The following NALCN variants were observed in gnomAD, a reference collection of about 807,000 sequenced individuals.
NALCN encodes sodium leak channel NALCN.
Under a neutral mutation model 225.3 loss-of-function variants are expected in NALCN, and 111 were observed. The observed-to-expected ratio is 0.49, with a 90% CI of 0.42 to 0.58. The LOEUF (loss-of-function observed/expected upper bound fraction) is 0.58. NALCN is among the 20% of genes least tolerant of loss of function. NALCN has a pLI of 0.00. For missense variants in NALCN, 1,378 were observed against 2,202.4 expected, an observed-to-expected ratio of 0.63 and a Z score of 7.49; for synonymous variants, 764 against 769.0, an observed-to-expected ratio of 0.99 and a Z score of 0.11.
In NALCN at chr13:101,259,415, G is replaced by T. The variant is rs566318182; in HGVS notation, c.1135-841C>A. ...GTGGCGTGATCTTGGCTCACTGCAA[G>T]CTCTGCTTCCTGGATTCACGTCATT... is the stretch of plus-strand genomic sequence containing the variant. On this transcript the variant is annotated intron_variant, in intron 10 of 43. Transcript: ENST00000251127. Among the ~76,000 whole-genome samples the T allele has an allele frequency of 2.0e-5, 3 of 152,062 alleles. No homozygotes were observed. In the South Asian group the frequency reaches 6.2e-4, roughly 32 times the overall value.
At chr13:101,168,821 C>A (rs2038576826) in intron 15 of NALCN, among the ~76,000 whole-genome samples, 1 of 152,184 alleles carries the variant, frequency 6.6e-6, no homozygotes, top group Non-Finnish European at 1.5e-5. Context: ...AATTTTCTCT[C>A]TTGCTCTACA....
chr13:101,133,409 C>A lies in NALCN; in HGVS notation c.2119-8728G>T, dbSNP rs79484390. Among the ~76,000 whole-genome samples, 1,270 of 152,208 alleles carry A rather than the reference C, an allele frequency of 8.3e-3. 18 individuals are homozygous for A. Among genetic ancestry groups the A allele is most frequent in the African/African-American group, 0.029 (1,223 of 41,526 alleles). Reference sequence around the variant, plus strand: ...GGAAAGTGGTTATAAAAACATATGACCATAAGACACAAAACCACGGTCCAA... The same window carrying A: ...GGAAAGTGGTTATAAAAACATATGAACATAAGACACAAAACCACGGTCCAA... On this transcript the variant is annotated intron_variant, in intron 17 of 43. Coordinates refer to ENST00000251127, the MANE Select transcript of NALCN (RefSeq NM_052867.4).
At chr13:101,096,563 G>A (rs953291795) in intron 27 of NALCN, among the ~76,000 whole-genome samples, 13 of 152,154 alleles carry the variant, frequency 8.5e-5, no homozygotes, top group Admixed American at 7.9e-4. Flanking sequence ...TAGGTCTTGA[G>A]GTGGAGGCTA....
chr13:101,240,357 A>C (rs534961008), intron 11 of NALCN, among the ~76,000 whole-genome samples: 23 of 146,386 alleles, frequency 1.6e-4, no homozygotes, highest in African/African-American at 3.6e-4. Flanking sequence ...CTCTCTCTCT[A>C]TCTATCTATG....
At chr13:101,381,708 T>C (rs768253688) in intron 3 of NALCN, among the ~76,000 whole-genome samples, 4 of 152,140 alleles carry the variant, frequency 2.6e-5, no homozygotes, top group Non-Finnish European at 4.4e-5. Flanking sequence ...AACGCTTCTG[T>C]CTTTAAGCAA....
At chr13:101,250,874 G>C (rs749807324) in intron 11 of NALCN, among the ~76,000 whole-genome samples, 4 of 151,758 alleles carry the variant, frequency 2.6e-5, no homozygotes. Context: ...CAAAATTATA[G>C]AAGAGGAAAT....
intron 6 of NALCN, among the ~76,000 whole-genome samples, chr13:101,371,427 T>A (rs926068044): frequency 6.6e-6 from 1 of 152,148 alleles, no homozygotes; most frequent in Non-Finnish European, 1.5e-5. Context: ...CAAGTGATCA[T>A]CCCACCTCAG....
chr13:101,124,681 G>C lies in NALCN; in HGVS notation c.2119C>G (p.Leu707Val). 1.9e-6 allele frequency: 3 copies of C among 1,613,634 alleles called. No individual in the cohort carries two copies. The highest frequency in any genetic ancestry group is 2.5e-6 in the Non-Finnish European group (3 of 1,179,802). ...IEDNKYIDQKLRKSVFSIRAR... is the reference protein window; with the variant it reads ...IEDNKYIDQKVRKSVFSIRAR... ...CTGATGCTGAAAACAGACTTGCGAA[G>C]CTGAAAATGATAAGAGTATGACTTT... Residue 707 changes from leucine to valine, a missense_variant and splice_region_variant, in exon 18 of 44, where the codon CTT becomes GTT. Physicochemically the swap from Leu to Val is conservative, Grantham distance 32. Coordinates refer to ENST00000251127, the MANE Select transcript of NALCN (RefSeq NM_052867.4).
intron 13 of NALCN, among the ~76,000 whole-genome samples, chr13:101,208,533 T>C (rs907838112): frequency 4.3e-4 from 65 of 152,236 alleles, no homozygotes; most frequent in African/African-American, 1.5e-3. Flanking sequence ...ATTGTGACAC[T>C]TTGTTACATG....
intron 27 of NALCN, 65 bp from the exon 28 acceptor site, chr13:101,095,745 G>T: frequency 3.1e-6 from 4 of 1,308,030 alleles, no homozygotes; most frequent in Non-Finnish European, 4.3e-6. Flanking sequence ...AAAGATAAAG[G>T]ATAGGAAACT....
chr13:101,402,838 C>T, intron 1 of NALCN, among the ~76,000 whole-genome samples: 1 of 152,196 alleles, frequency 6.6e-6, no homozygotes, highest in East Asian at 1.9e-4. Flanking sequence ...CCTCTCATGT[C>T]CCAGACCCTA....
intron 3 of NALCN, among the ~76,000 whole-genome samples, chr13:101,385,638 G>A (rs915500489): frequency 6.6e-5 from 10 of 152,180 alleles, no homozygotes; most frequent in African/African-American, 2.4e-4. Flanking sequence ...GTGTATCTCT[G>A]TTGTTCACCT....
chr13:101,093,326 T>C (rs935993743), intron 28 of NALCN, among the ~76,000 whole-genome samples: 2 of 152,220 alleles, frequency 1.3e-5, no homozygotes, highest in African/African-American at 4.8e-5. Flanking sequence ...TTCCTAGATA[T>C]GTTATTTTCT....
intron 13 of NALCN, among the ~76,000 whole-genome samples, chr13:101,196,153 T>C (rs577841042): frequency 6.6e-6 from 1 of 152,314 alleles, no homozygotes; most frequent in African/African-American, 2.4e-5. Flanking sequence ...CTCACGTTAT[T>C]TGAGCCATTT....
At chr13:101,368,133 C>T (rs951575332) in intron 6 of NALCN, among the ~76,000 whole-genome samples, 1 of 148,000 alleles carries the variant, frequency 6.8e-6, no homozygotes, top group Non-Finnish European at 1.5e-5. Context: ...AGGTATATCT[C>T]CTAAAGCTAT....
At chr13:101,333,198 C>A (rs368304198) in intron 7 of NALCN, among the ~76,000 whole-genome samples, 7 of 152,066 alleles carry the variant, frequency 4.6e-5, no homozygotes, top group African/African-American at 1.7e-4. Context: ...TTCTACTTAC[C>A]TAAAAATAAA....
At chr13:101,402,530 A>G (rs1162695840) in intron 1 of NALCN, among the ~76,000 whole-genome samples, 1 of 152,186 alleles carries the variant, frequency 6.6e-6, no homozygotes, top group East Asian at 1.9e-4. Context: ...CCCTTGCAAC[A>G]CTATGGGTCA....
intron 7 of NALCN, among the ~76,000 whole-genome samples, chr13:101,312,165 T>G (rs1001419493): frequency 1.6e-4 from 25 of 152,362 alleles, no homozygotes; most frequent in African/African-American, 4.6e-4. Flanking sequence ...TTTGTAATAT[T>G]CTCTGATGGT....
At chr13:101,339,966 A>G (rs1294185488) in intron 7 of NALCN, among the ~76,000 whole-genome samples, 1 of 152,300 alleles carries the variant, frequency 6.6e-6, no homozygotes, top group Non-Finnish European at 1.5e-5. Flanking sequence ...GCAAGATGCA[A>G]GGTTAAGAAC....
Sources: allele counts gnomAD v4.1 joint callset (sites outside exome capture counted in the v4.1 genomes callset), GRCh38; gene constraint gnomAD v4.1.1; transcripts MANE v1.5; gene names NCBI Gene and HGNC (gene_info 2026-07-23, HGNC 2026-07-21).